Variants in KIF1B observed in about 807,000 individuals in gnomAD.
KIF1B encodes the protein kinesin family member 1B.
A neutral mutation model predicts 241.9 loss-of-function variants in KIF1B; 76 were observed. That is an observed-to-expected ratio of 0.31 (90% CI 0.26 to 0.38). The LOEUF is 0.38. Ranked by LOEUF, KIF1B falls within the 10% of genes least tolerant of loss-of-function variation. The pLI is 1.00. For missense variants in KIF1B, 1,622 were observed against 2,271.4 expected, an observed-to-expected ratio of 0.71 and a Z score of 5.81; for synonymous variants, 750 against 796.7, an observed-to-expected ratio of 0.94 and a Z score of 0.99.
chr1:10,263,370 T>C (rs898977427), intron 5 of KIF1B, among the ~76,000 whole-genome samples: 1 of 152,014 alleles, frequency 6.6e-6, no homozygotes, highest in Non-Finnish European at 1.5e-5. Flanking sequence ...CCACACCCTT[T>C]TTTGGTATTC....
intron 5 of KIF1B, 106 bp from the exon 6 acceptor site, chr1:10,267,274 C>T (rs1648519445): frequency 4.5e-6 from 4 of 888,610 alleles, no homozygotes; most frequent in Non-Finnish European, 7.4e-6. Flanking sequence ...GTGATCCGCC[C>T]TCCTTGGCCT....
Position 10,380,141 on chromosome 1 carries a change from A to G in KIF1B, c.*3554A>G, listed in dbSNP as rs1255527663. On this transcript the variant is annotated 3_prime_UTR_variant, in exon 49 of 49. Coordinates refer to ENST00000676179, the MANE Select transcript of KIF1B (RefSeq NM_001365951.3). ...ATGACTTTTCCTGGCACATATTCCA[A>G]AGCAAAGACTTTGTTGCCTGCTGCT... 4.5e-6 allele frequency: 1 copy of G among 223,874 alleles called. No individual in the cohort carries two copies. The highest frequency in any genetic ancestry group is 2.2e-5 in the African/African-American group (1 of 44,782). The allele number at this position is 223,874 out of a possible 1,614,324, so 13.9% of individuals were successfully genotyped here.
chr1:10,294,807 G>T (rs1284497006), intron 17 of KIF1B, among the ~76,000 whole-genome samples: 1 of 152,184 alleles, frequency 6.6e-6, no homozygotes, highest in Non-Finnish European at 1.5e-5. Context: ...GGCAGAGGTT[G>T]CAGTGAGTCA....
intron 1 of KIF1B, among the ~76,000 whole-genome samples, chr1:10,214,345 A>G (rs1478753495): frequency 6.7e-6 from 1 of 150,120 alleles, no homozygotes; most frequent in South Asian, 2.1e-4. Flanking sequence ...GCTGGAGTGC[A>G]TTGGTGTGAT....
chr1:10,216,702 C>T (rs367667728), intron 1 of KIF1B, among the ~76,000 whole-genome samples: 2 of 152,220 alleles, frequency 1.3e-5, no homozygotes, highest in East Asian at 3.9e-4. Flanking sequence ...ATCTGGACCC[C>T]TTGACTCAAA....
chr1:10,283,956 A>G (rs1290300669), intron 15 of KIF1B, among the ~76,000 whole-genome samples: 2 of 152,250 alleles, frequency 1.3e-5, no homozygotes, highest in Admixed American at 6.5e-5. Context: ...TGATAATTGA[A>G]TATGTCAGAT....
At position 10,267,413 on chromosome 1, in the gene KIF1B, C is replaced by T. The variant is rs1271762469; in HGVS notation, c.463C>T (p.Arg155Ter). ...SYMEIYCERV[R>*]DLLNPKNKGN... ...CATGGAAATTTACTGTGAAAGAGTA[C>T]GAGATTTGCTGAATCCAAAAAACAA... is the stretch of plus-strand genomic sequence containing the variant. The change falls in exon 6 of 49, where the codon CGA (arginine) becomes TGA (stop). Residue 155 changes from arginine to a stop codon, truncating the protein, a stop_gained. Coordinates refer to ENST00000676179, the MANE Select transcript of KIF1B (RefSeq NM_001365951.3). LOFTEE classifies it high-confidence loss of function. 2.5e-6 allele frequency: 4 copies of T among 1,614,102 alleles called. No individual in the cohort carries two copies. The highest frequency in any genetic ancestry group is 1.7e-5 in the Admixed American group (1 of 60,020).
intron 36 of KIF1B, 144 bp downstream of exon 36, chr1:10,347,971 TCTGTG>T: frequency 1.2e-4 from 81 of 656,776 alleles, no homozygotes; most frequent in Middle Eastern, 3.2e-4. Context: ...TTTTTTTTTT[TCTGTG>T]TCTGTCTGTA....
chr1:10,231,883 A>G (rs1434841065), intron 1 of KIF1B, among the ~76,000 whole-genome samples: 1 of 152,170 alleles, frequency 6.6e-6, no homozygotes, highest in Admixed American at 6.5e-5. Context: ...TTTTAGGTAT[A>G]AGAAGGAGAT....
At chr1:10,264,409 C>A (rs924731275) in intron 5 of KIF1B, among the ~76,000 whole-genome samples, 5 of 152,190 alleles carry the variant, frequency 3.3e-5, no homozygotes, top group Admixed American at 1.3e-4. Context: ...ATTCACATAT[C>A]AGAGCATAAG....
At chr1:10,306,757 TAAAAAAAAAAA>T (rs745772393) in intron 22 of KIF1B, 170 of 566,818 alleles carry the variant, frequency 3.0e-4, no homozygotes, top group African/African-American at 4.7e-4. Flanking sequence ...AACCTGTCTT[TAAAAAAAAAAA>T]AAAAAAAAAA....
Position 10,282,384 on chromosome 1 carries a change from G to T in KIF1B, c.1285G>T (p.Gly429Cys), listed in dbSNP as rs1649452904. The T allele has an allele frequency of 6.2e-7, 1 of 1,613,928 alleles. No individual in the cohort carries two copies. Among genetic ancestry groups the T allele is most frequent in the Non-Finnish European group, 8.5e-7 (1 of 1,180,008 alleles). Residue 429 changes from glycine (G) to cysteine (C), a missense_variant, in exon 15 of 49, where the codon GGC becomes TGC. Coordinates refer to ENST00000676179, the MANE Select transcript of KIF1B (RefSeq NM_001365951.3). The stretch of plus-strand genomic sequence containing the variant: ...GCTAGCCTCTGAGAATCAACGCCCT[G>T]GCCATTTTTCCACAGCATCCATGGG... ...YLLASENQRP[G>C]HFSTASMGSL...
intron 5 of KIF1B, among the ~76,000 whole-genome samples, chr1:10,266,462 C>G (rs1648469069): frequency 6.6e-6 from 1 of 152,292 alleles, no homozygotes; most frequent in South Asian, 2.1e-4. Flanking sequence ...AGTGTATTGT[C>G]TGAGGCTTCT....
chr1:10,272,892 T>C (rs965582518), intron 9 of KIF1B, 122 bp from the exon 10 acceptor site: 5 of 764,286 alleles, frequency 6.5e-6, no homozygotes, highest in Non-Finnish European at 1.1e-5. Context: ...AAGAATGAAA[T>C]GCTTTCTTGC....
At position 10,381,052 on chromosome 1, in the gene KIF1B, T is replaced by C; in HGVS notation, c.*4465T>C. 4.5e-6 allele frequency: 1 copy of C among 223,502 alleles called. No individual in the cohort carries two copies. Among genetic ancestry groups the C allele is most frequent in the East Asian group, 6.6e-5 (1 of 15,238 alleles). 13.8% of individuals were successfully genotyped at this position (223,502 alleles called of 1,614,324 possible). A position where few individuals can be genotyped will look rare whatever the true frequency, so the allele number is the denominator to read the frequency against. On this transcript the variant is annotated 3_prime_UTR_variant, in exon 49 of 49. Coordinates refer to ENST00000676179, the MANE Select transcript of KIF1B (RefSeq NM_001365951.3). ...TCATAGCCAAACGGCTGTGCTCAGA[T>C]GGAAAGTCTGAGCTGAGGTTGGTCT...
Position 10,326,358 on chromosome 1 carries a change from A to C in KIF1B, c.2923A>C (p.Arg975=), listed in dbSNP as rs1270879705. The C allele has an allele frequency of 6.2e-7, 1 of 1,614,104 alleles. No individual in the cohort carries two copies. Among genetic ancestry groups the C allele is most frequent in the Non-Finnish European group, 8.5e-7 (1 of 1,180,040 alleles). ...ATCCCCTTGGTTCATTTTAGTGGGA[A>C]GGTTGGTGAGGTTATTGTGAGAAAG... The part of the protein sequence containing the change: ...DRSPWFILVG[R]AFVYLSNLLY... Residue 975 remains arginine (R), a splice_region_variant and synonymous_variant, in exon 27 of 49, where the codon AGG becomes CGG. Transcript: ENST00000676179. This position sits in a 1 kb window ranked among gnomAD's most constrained non-coding sequence, Gnocchi z 5.2.
Position 10,232,313 on chromosome 1 carries a change from T to TAA in KIF1B, c.-15_-14dup. ...TATTTCTGGACTGCATATATATATA[T>TAA]AACAAGGCCATTAAAATGTCGGGAG... On this transcript the variant is annotated 5_prime_UTR_variant, in exon 2 of 49. Transcript: ENST00000676179. The TAA allele has an allele frequency of 3.9e-6, 6 of 1,544,130 alleles. No individual in the cohort carries two copies. The highest frequency in any genetic ancestry group is 2.3e-5 in the South Asian group (2 of 88,704).
intron 15 of KIF1B, among the ~76,000 whole-genome samples, chr1:10,283,679 G>A (rs1649547512): frequency 6.6e-6 from 1 of 152,180 alleles, no homozygotes; most frequent in African/African-American, 2.4e-5. Context: ...TTCCCTACTT[G>A]TCACCTCCAG....
intron 2 of KIF1B, among the ~76,000 whole-genome samples, chr1:10,248,487 T>C (rs12406943): frequency 0.35 from 52,780 of 152,012 alleles, 9,312 homozygotes; most frequent in Middle Eastern, 0.39. Flanking sequence ...AAGTGTGAGC[T>C]ACTGTGCTCA....
Sources: gnomAD v4.1 joint callset for allele counts (sites outside exome capture counted in the v4.1 genomes callset) on GRCh38, gnomAD v4.1.1 for gene constraint, Gnocchi (gnomAD v3.1) non-coding constraint, MANE v1.5 for transcripts, NCBI Gene and HGNC (gene_info 2026-07-23, HGNC 2026-07-21) for gene names.